The following FAM240A variants were observed in gnomAD, a reference collection of about 807,000 sequenced individuals.
FAM240A encodes family with sequence similarity 240 member A.
In FAM240A, 8 loss-of-function variants were observed where a neutral mutation model predicts 7.3. The observed-to-expected ratio is 1.09, with a 90% CI of 0.64 to 1.97. The LOEUF (loss-of-function observed/expected upper bound fraction) is 1.97, where lower values mean the gene tolerates loss of function less well. FAM240A is among the 30% of genes most tolerant of loss of function. FAM240A has a pLI of 0.00. For synonymous variants in FAM240A, 32 were observed against 35.9 expected (o/e 0.89, Z 0.38); for missense variants, 90 against 102.2 (o/e 0.88, Z 0.52).
intron 2 of FAM240A, among the ~76,000 whole-genome samples, chr3:46,620,714 A>C (rs1256145528): frequency 1.3e-5 from 2 of 152,212 alleles, no homozygotes; most frequent in African/African-American, 4.8e-5. Flanking sequence ...TTCCAGATTA[A>C]AGAAATCCTA....
At chr3:46,614,901 C>T (rs921009428) in intron 1 of FAM240A, among the ~76,000 whole-genome samples, 1 of 152,020 alleles carries the variant, frequency 6.6e-6, no homozygotes, top group Non-Finnish European at 1.5e-5. Context: ...TAATGATGTC[C>T]CTATGCCAGA....
rs753497383 is a variant in FAM240A, at chr3:46,617,301, G to A, written c.134G>A (p.Arg45His). The change falls in exon 2 of 3, where the codon CGT (arginine) becomes CAT (histidine). Residue 45 changes from arginine to histidine, a missense_variant. By Grantham distance (29) the Arg-to-His change is conservative. Coordinates refer to ENST00000640551, the MANE Select transcript of FAM240A (RefSeq NM_001195442.2). ...KQTYYRESEERRLGRSALRKL... is the reference protein window; with the variant it reads ...KQTYYRESEEHRLGRSALRKL... ...ACTTACTACCGAGAATCAGAGGAAC[G>A]TCGTCTGGGAAGAAGCGCACTGAGA... 4.2e-5 allele frequency: 64 copies of A among 1,534,200 alleles called. No individual in the cohort carries two copies. Among genetic ancestry groups the A allele is most frequent in the Middle Eastern group, 1.7e-4 (1 of 6,006 alleles).
rs1035123271 is a variant in FAM240A at position 46,625,153 on chromosome 3, C to T, written c.187C>T (p.Leu63=). The T allele has an allele frequency of 5.2e-6, 8 of 1,534,480 alleles. No individual in the cohort carries two copies. Among genetic ancestry groups the T allele is most frequent in the Non-Finnish European group, 6.1e-6 (7 of 1,146,014 alleles). The part of the protein sequence containing the change: ...RKLREEWKQR[L]ETKLRLRNNP... Reference sequence around the variant, plus strand: ...GCTCAGAGAAGAATGGAAGCAGAGGCTGGAAACAAAGCTGAGGCTGCGGAA... The same window carrying T: ...GCTCAGAGAAGAATGGAAGCAGAGGTTGGAAACAAAGCTGAGGCTGCGGAA... The change falls in exon 3 of 3, where the codon CTG becomes TTG. Residue 63 remains leucine (L), a synonymous_variant. Transcript: ENST00000640551.
At chr3:46,613,781 G>T (rs908629269) in intron 1 of FAM240A, among the ~76,000 whole-genome samples, 3 of 152,144 alleles carry the variant, frequency 2.0e-5, no homozygotes, top group African/African-American at 7.2e-5. Flanking sequence ...CTCCTTGTGT[G>T]TCCCATTTCA....
intron 2 of FAM240A, among the ~76,000 whole-genome samples, chr3:46,623,733 T>C (rs1335645803): frequency 6.6e-6 from 1 of 152,230 alleles, no homozygotes; most frequent in Non-Finnish European, 1.5e-5. Flanking sequence ...GGACTATCTC[T>C]TCGTCCTTTT....
chr3:46,616,667 T>C lies in FAM240A; in HGVS notation c.16-516T>C, dbSNP rs1014054620. Among the ~76,000 whole-genome samples, 6 of 151,180 alleles carry C rather than the reference T, an allele frequency of 4.0e-5. No homozygotes were observed. The East Asian group carries it at 1.2e-3, about 29-fold the overall frequency. ...CTGCAAAAGACATTATTTTGTTCTT[T>C]TTTAGGCTGAGTAGTATTCCATTAC... is the stretch of plus-strand genomic sequence containing the variant. On this transcript the variant is annotated intron_variant, in intron 1 of 2. Transcript: ENST00000640551.
At chr3:46,617,892 C>T (rs1451141785) in intron 2 of FAM240A, among the ~76,000 whole-genome samples, 2 of 152,166 alleles carry the variant, frequency 1.3e-5, no homozygotes, top group Admixed American at 6.5e-5. Context: ...GTGAGTCTGC[C>T]GAGCAGTGGA....
At chr3:46,624,503 C>A (rs1261209887) in intron 2 of FAM240A, among the ~76,000 whole-genome samples, 1 of 152,030 alleles carries the variant, frequency 6.6e-6, no homozygotes, top group Non-Finnish European at 1.5e-5. Context: ...AACTCCTGAC[C>A]TTGTGATCTG....
chr3:46,620,016 C>T (rs924399447), intron 2 of FAM240A, among the ~76,000 whole-genome samples: 1 of 152,086 alleles, frequency 6.6e-6, no homozygotes, highest in African/African-American at 2.4e-5. Context: ...TTGGATGGGT[C>T]TTTGCTGCCT....
At chr3:46,622,151 C>T (rs1045335177) in intron 2 of FAM240A, among the ~76,000 whole-genome samples, 5 of 120,984 alleles carry the variant, frequency 4.1e-5, no homozygotes, top group Admixed American at 1.1e-4. Context: ...CTCACTCTGT[C>T]GCCCAGTGCA....
At chr3:46,620,436 G>A (rs11130098) in intron 2 of FAM240A, among the ~76,000 whole-genome samples, 51,410 of 130,994 alleles carry the variant, frequency 0.39, 10,631 homozygotes, top group African/African-American at 0.43. Context: ...CATCAAAAAA[G>A]GTGATCTATA....
chr3:46,625,474 A>G lies in FAM240A; in HGVS notation c.*256A>G, dbSNP rs1411918900. The G allele has an allele frequency of 4.1e-6, 1 of 246,332 alleles. No homozygotes were observed. The highest frequency in any genetic ancestry group is 7.8e-6 in the Non-Finnish European group (1 of 128,222). 15.3% of individuals were successfully genotyped at this position (246,332 alleles called of 1,614,324 possible). A position where few individuals can be genotyped will look rare whatever the true frequency, so the allele number is the denominator to read the frequency against. On this transcript the variant is annotated 3_prime_UTR_variant, in exon 3 of 3. Transcript: ENST00000640551. Reference sequence around the variant, plus strand: ...ATAGCTTATTTAATATCGAAGCTCCATGCAGCATTCCTTGCTTCTATATAA... The same window carrying G: ...ATAGCTTATTTAATATCGAAGCTCCGTGCAGCATTCCTTGCTTCTATATAA...
intron 1 of FAM240A, 93 bp downstream of exon 1, chr3:46,612,791 C>T (rs565995582): frequency 8.3e-5 from 79 of 956,740 alleles, no homozygotes; most frequent in Middle Eastern, 8.2e-4. Flanking sequence ...ATTCACTGGA[C>T]GCAGCAGCAC....
At chr3:46,622,345 A>T (rs1697707725) in intron 2 of FAM240A, among the ~76,000 whole-genome samples, 1 of 151,868 alleles carries the variant, frequency 6.6e-6, no homozygotes. Flanking sequence ...TGACCTCGTG[A>T]TCTGCCCGCC....
At chr3:46,619,428 G>A (rs908775681) in intron 2 of FAM240A, among the ~76,000 whole-genome samples, 1 of 152,200 alleles carries the variant, frequency 6.6e-6, no homozygotes, top group African/African-American at 2.4e-5. Context: ...CCCTTTGAGT[G>A]TGGGCAGAGG....
chr3:46,618,666 C>A, intron 2 of FAM240A, among the ~76,000 whole-genome samples: 1 of 151,910 alleles, frequency 6.6e-6, no homozygotes, highest in Non-Finnish European at 1.5e-5. Context: ...CAAGGAGAAA[C>A]CCCATCTCTA....
At position 46,625,985 on chromosome 3, in the gene FAM240A, C is replaced by A. The variant is rs917076904; in HGVS notation, c.*767C>A. 4 of 152,196 alleles carry A rather than the reference C, an allele frequency of 2.6e-5. No individual in the cohort carries two copies. The highest frequency in any genetic ancestry group is 9.7e-5 in the African/African-American group (4 of 41,436). 9.4% of individuals were successfully genotyped at this position (152,196 alleles called of 1,614,324 possible). A position where few individuals can be genotyped will look rare whatever the true frequency, so the allele number is the denominator to read the frequency against. On this transcript the variant is annotated 3_prime_UTR_variant, in exon 3 of 3. Coordinates refer to ENST00000640551, the MANE Select transcript of FAM240A (RefSeq NM_001195442.2). ...TCTGGATTTTGAAATGGTATAGTCA[C>A]TCCCTTGCCATCTCTCAAGTTCAGA...
Position 46,625,923 on chromosome 3 carries a change from A to G in FAM240A, c.*705A>G, listed in dbSNP as rs1337647757. ...GGCTCTCTGTCAGCCCAGCCAAAGCATATCTGGCCATTCCACAGAGTGTTT... is the reference window on the plus strand; with the variant it reads ...GGCTCTCTGTCAGCCCAGCCAAAGCGTATCTGGCCATTCCACAGAGTGTTT... On this transcript the variant is annotated 3_prime_UTR_variant, in exon 3 of 3. Transcript: ENST00000640551. 2 of 152,210 alleles carry G rather than the reference A, an allele frequency of 1.3e-5. No individual in the cohort carries two copies. Among genetic ancestry groups the G allele is most frequent in the Admixed American group, 6.5e-5 (1 of 15,284 alleles). 9.4% of individuals were successfully genotyped at this position (152,210 alleles called of 1,614,324 possible). A position where few individuals can be genotyped will look rare whatever the true frequency, so the allele number is the denominator to read the frequency against.
chr3:46,615,285 A>T (rs115710943), intron 1 of FAM240A, among the ~76,000 whole-genome samples: 1,829 of 151,946 alleles, frequency 0.012, 24 homozygotes, highest in South Asian at 0.053. Context: ...GCACCCAGAA[A>T]ACTCAAACTC....
Sources: allele counts gnomAD v4.1 joint callset (sites outside exome capture counted in the v4.1 genomes callset), GRCh38; gene constraint gnomAD v4.1.1; transcripts MANE v1.5; gene names NCBI Gene and HGNC (gene_info 2026-07-23, HGNC 2026-07-21).